Variants in NMBR observed in about 807,000 individuals in gnomAD.
NMBR encodes neuromedin B receptor, also known as neuromedin-B receptor.
In NMBR, 16 loss-of-function variants were observed where a neutral mutation model predicts 20.5. The observed-to-expected ratio is 0.78, with a 90% CI of 0.53 to 1.19. NMBR has a LOEUF of 1.19. Ranked by LOEUF, NMBR falls within the 50% of genes most tolerant of loss-of-function variation. The probability of loss-of-function intolerance (pLI) is 0.00; values close to 1 mark genes in which losing one functional copy is unlikely to be tolerated. For missense variants in NMBR, 582 were observed against 499.1 expected (o/e 1.17, Z -1.58); for synonymous variants, 212 against 196.6 (o/e 1.08, Z -0.65).
In NMBR at chr6:142,075,100, A is replaced by T. The variant is rs563004532; in HGVS notation, c.*548T>A. Among the ~76,000 whole-genome samples, 1 of 113,088 alleles carries T rather than the reference A, an allele frequency of 8.8e-6. No homozygotes were observed. The highest frequency in any genetic ancestry group is 3.9e-4 in the East Asian group (1 of 2,532). 74.2% of individuals were successfully genotyped at this position (113,088 alleles called of 152,430 possible). A position where few individuals can be genotyped will look rare whatever the true frequency, so the allele number is the denominator to read the frequency against. On this transcript the variant is annotated 3_prime_UTR_variant, in exon 4 of 4. Transcript: ENST00000258042. ...TGTGTGTGTACATATATACATATAC[A>T]TATATATATACACACACACACACAC...
At chr6:142,107,308 T>C (rs1223410438) in intron 1 of NMBR, among the ~76,000 whole-genome samples, 1 of 152,190 alleles carries the variant, frequency 6.6e-6, no homozygotes, top group Non-Finnish European at 1.5e-5. Context: ...CTGAATTTAA[T>C]TGGATTACAC....
intron 1 of NMBR, among the ~76,000 whole-genome samples, 67 bp from the exon 2 acceptor site, chr6:142,089,388 C>G (rs1242603805): frequency 2.0e-5 from 3 of 152,144 alleles, no homozygotes; most frequent in African/African-American, 7.2e-5. Flanking sequence ...GAAATCCTCT[C>G]GCTACTCTTC....
chr6:142,104,456 A>G (rs1777621238), intron 1 of NMBR, among the ~76,000 whole-genome samples: 2 of 152,188 alleles, frequency 1.3e-5, no homozygotes, highest in African/African-American at 4.8e-5. Context: ...CTTTCTGCAG[A>G]ATCCCAAAGT....
intron 1 of NMBR, among the ~76,000 whole-genome samples, chr6:142,104,838 A>C (rs899048657): frequency 4.6e-5 from 7 of 152,214 alleles, no homozygotes; most frequent in African/African-American, 1.7e-4. Context: ...GCTTTGTGTG[A>C]GTAATAAAGC....
chr6:142,136,086 G>T (rs887057090), intron 1 of NMBR, among the ~76,000 whole-genome samples: 3 of 152,264 alleles, frequency 2.0e-5, no homozygotes, highest in Non-Finnish European at 1.5e-5. Flanking sequence ...CTTCCACAAG[G>T]GTTGAACTAG....
chr6:142,123,445 G>C (rs1393762718), intron 1 of NMBR, among the ~76,000 whole-genome samples: 1 of 151,958 alleles, frequency 6.6e-6, no homozygotes, highest in Non-Finnish European at 1.5e-5. Context: ...AGTACATAAA[G>C]CAGCAGCAGG....
At chr6:142,083,508 T>G (rs1305445203) in intron 2 of NMBR, among the ~76,000 whole-genome samples, 1 of 152,180 alleles carries the variant, frequency 6.6e-6, no homozygotes, top group Non-Finnish European at 1.5e-5. Flanking sequence ...TCTGATATGG[T>G]TTGGCTCTGC....
At chr6:142,092,247 G>A (rs536436878) in intron 1 of NMBR, among the ~76,000 whole-genome samples, 5 of 152,044 alleles carry the variant, frequency 3.3e-5, no homozygotes, top group African/African-American at 9.6e-5. Context: ...TAATGGAAGA[G>A]AATACAAAGT....
Position 142,092,190 on chromosome 6 carries a change from T to G in NMBR, c.-663-2869A>C, listed in dbSNP as rs150591860. 3.0e-3 allele frequency among the ~76,000 whole-genome samples: 452 copies of G among 151,918 alleles called. 4 individuals are homozygous for G. Among genetic ancestry groups the G allele is most frequent in the African/African-American group, 0.01 (429 of 41,444 alleles). ...GAAAGGAGATACTAATACAAATATA[T>G]AATATTAAAATTAAAATGGAACTGG... On this transcript the variant is annotated intron_variant, in intron 1 of 3. Coordinates refer to ENST00000258042, the MANE Select transcript of NMBR (RefSeq NM_002511.4).
chr6:142,081,200 C>A lies in NMBR; in HGVS notation c.423-2297G>T, dbSNP rs188723930. Among the ~76,000 whole-genome samples, 4 of 152,188 alleles carry A rather than the reference C, an allele frequency of 2.6e-5. No individual in the cohort carries two copies. In the East Asian group the frequency reaches 7.7e-4, roughly 29 times the overall value. The stretch of plus-strand genomic sequence containing the variant: ...ATGAATCCCATTCATGTGGGCCCCA[C>A]TCTCATGACCTAATCACCTCCCAAA... On this transcript the variant is annotated intron_variant, in intron 2 of 3. Transcript: ENST00000258042.
intron 2 of NMBR, among the ~76,000 whole-genome samples, chr6:142,079,647 A>G (rs950496881): frequency 1.3e-5 from 2 of 152,218 alleles, no homozygotes; most frequent in African/African-American, 4.8e-5. Context: ...AAACTAATCT[A>G]GATTGGTCAT....
At chr6:142,086,908 C>T (rs1777210579) in intron 2 of NMBR, among the ~76,000 whole-genome samples, 1 of 152,036 alleles carries the variant, frequency 6.6e-6, no homozygotes, top group Admixed American at 6.6e-5. Flanking sequence ...AAGTTTTATT[C>T]TAATCACTAA....
chr6:142,128,564 G>A (rs929641261), intron 1 of NMBR, among the ~76,000 whole-genome samples: 2 of 151,918 alleles, frequency 1.3e-5, no homozygotes, highest in African/African-American at 4.8e-5. Flanking sequence ...TTAGTTGAAA[G>A]GTTTTATGAG....
rs74499349 is a variant in NMBR, at chr6:142,075,030, C to T, written c.*618G>A. On this transcript the variant is annotated 3_prime_UTR_variant, in exon 4 of 4. Coordinates refer to ENST00000258042, the MANE Select transcript of NMBR (RefSeq NM_002511.4). ...CACAATAAATACCAATTTGATTAAG[C>T]TCCACCTTTGAATTTTTTCTTATTT... Among the ~76,000 whole-genome samples the T allele has an allele frequency of 0.014, 2,126 of 151,848 alleles. 44 individuals carry two copies. The highest frequency in any genetic ancestry group is 0.068 in the South Asian group (326 of 4,804).
intron 3 of NMBR, among the ~76,000 whole-genome samples, chr6:142,078,263 G>C (rs537202264): frequency 4.6e-5 from 7 of 152,254 alleles, no homozygotes; most frequent in Non-Finnish European, 7.4e-5. Flanking sequence ...TATGTTGTTT[G>C]TTAAATAAAA....
At chr6:142,081,529 T>C (rs1777096233) in intron 2 of NMBR, among the ~76,000 whole-genome samples, 1 of 152,056 alleles carries the variant, frequency 6.6e-6, no homozygotes, top group Non-Finnish European at 1.5e-5. Context: ...CACATTTGAA[T>C]AAAAGGGGAG....
chr6:142,095,950 A>G (rs920928681), intron 1 of NMBR, among the ~76,000 whole-genome samples: 3 of 152,076 alleles, frequency 2.0e-5, no homozygotes, highest in Non-Finnish European at 4.4e-5. Flanking sequence ...AGAGGTGTTT[A>G]CAGTATTCTC....
intron 1 of NMBR, among the ~76,000 whole-genome samples, chr6:142,129,884 C>T (rs1367526723): frequency 6.6e-6 from 1 of 152,118 alleles, no homozygotes; most frequent in African/African-American, 2.4e-5. Flanking sequence ...AACTGGGATT[C>T]AAGGACGTGA....
intron 1 of NMBR, among the ~76,000 whole-genome samples, chr6:142,093,055 C>G (rs1777360589): frequency 6.6e-6 from 1 of 152,038 alleles, no homozygotes; most frequent in South Asian, 2.1e-4. Context: ...AAAGGCTTCT[C>G]TGGTCTTGCC....
Sources: gnomAD v4.1 joint callset for allele counts (sites outside exome capture counted in the v4.1 genomes callset) on GRCh38, gnomAD v4.1.1 for gene constraint, MANE v1.5 for transcripts, NCBI Gene and HGNC (gene_info 2026-07-23, HGNC 2026-07-21) for gene names.